RAB28: variants seen among roughly 807,000 people sequenced by gnomAD.
RAB28 encodes the protein ras-related protein Rab-28.
Under a neutral mutation model 31.7 loss-of-function variants are expected in RAB28, and 24 were observed. The observed-to-expected ratio is 0.76, with a 90% CI of 0.55 to 1.06. The LOEUF is 1.06. RAB28 is among the 50% of genes least tolerant of loss of function. The pLI, the probability that RAB28 is intolerant of heterozygous loss-of-function variation, is 0.00. For missense variants in RAB28, 254 were observed against 258.5 expected, an observed-to-expected ratio of 0.98 and a Z score of 0.12; for synonymous variants, 100 against 90.4, an observed-to-expected ratio of 1.11 and a Z score of -0.60.
In RAB28 at chr4:13,454,076, G is replaced by A. The variant is rs563099807; in HGVS notation, c.391+6623C>T. On this transcript the variant is annotated intron_variant, in intron 4 of 6. Transcript: ENST00000330852. ...TTGTCTGTGCTATTTCAAAAGGCTTGTCTTCAAGTTGCAGAATTCTTTTTT... is the reference window on the plus strand; with the variant it reads ...TTGTCTGTGCTATTTCAAAAGGCTTATCTTCAAGTTGCAGAATTCTTTTTT... Among the ~76,000 whole-genome samples the A allele has an allele frequency of 2.0e-5, 3 of 151,820 alleles. No individual in the cohort carries two copies. In the South Asian group the frequency reaches 6.2e-4, roughly 32 times the overall value.
At chr4:13,483,013 G>A (rs1484654035) in intron 1 of RAB28, among the ~76,000 whole-genome samples, 3 of 152,182 alleles carry the variant, frequency 2.0e-5, no homozygotes, top group Admixed American at 6.5e-5. Context: ...TTAGACTATG[G>A]TTGGGATAAG....
chr4:13,473,407 T>A (rs1716207161), intron 3 of RAB28, among the ~76,000 whole-genome samples: 2 of 151,976 alleles, frequency 1.3e-5, no homozygotes, highest in East Asian at 1.9e-4. Flanking sequence ...AAATAGCACA[T>A]CAAGTATTAC....
chr4:13,368,707 C>T, intron 6 of RAB28, 57 bp from the exon 7 acceptor site: 1 of 1,436,494 alleles, frequency 7.0e-7, no homozygotes, highest in Non-Finnish European at 9.6e-7. Context: ...AGAAAGAGCT[C>T]CTTAAAGTAT....
At chr4:13,471,971 AC>A (rs1716142360) in intron 3 of RAB28, among the ~76,000 whole-genome samples, 1 of 152,066 alleles carries the variant, frequency 6.6e-6, no homozygotes, top group Non-Finnish European at 1.5e-5. Flanking sequence ...TACTAAACTT[AC>A]GGACTTTCAA....
chr4:13,464,853 G>A (rs1344113786), intron 3 of RAB28, among the ~76,000 whole-genome samples: 1 of 152,056 alleles, frequency 6.6e-6, no homozygotes, highest in East Asian at 1.9e-4. Context: ...ATATGAAACA[G>A]ATTTTGTAAT....
At chr4:13,481,230 T>C (rs558335211) in intron 1 of RAB28, among the ~76,000 whole-genome samples, 2 of 152,094 alleles carry the variant, frequency 1.3e-5, no homozygotes, top group Non-Finnish European at 2.9e-5. Context: ...AACATAAAGC[T>C]AGGATTTTCA....
At chr4:13,454,981 G>A (rs1271362961) in intron 4 of RAB28, among the ~76,000 whole-genome samples, 1 of 152,160 alleles carries the variant, frequency 6.6e-6, no homozygotes, top group Non-Finnish European at 1.5e-5. Flanking sequence ...TGGCTTGCAG[G>A]GTTGTTTCTC....
intron 4 of RAB28, among the ~76,000 whole-genome samples, chr4:13,457,529 T>C (rs1190667128): frequency 2.6e-5 from 4 of 151,672 alleles, no homozygotes; most frequent in Admixed American, 6.6e-5. Context: ...CTGCATACAC[T>C]AATATATAAT....
At chr4:13,467,951 A>C (rs887454112) in intron 3 of RAB28, among the ~76,000 whole-genome samples, 1 of 152,008 alleles carries the variant, frequency 6.6e-6, no homozygotes, top group African/African-American at 2.4e-5. Flanking sequence ...TGAAAACATT[A>C]ATGAAAAGAA....
chr4:13,393,733 G>T (rs1056266714), intron 4 of RAB28, among the ~76,000 whole-genome samples: 2 of 150,900 alleles, frequency 1.3e-5, no homozygotes, highest in Admixed American at 1.3e-4. Context: ...ATAGAAGATG[G>T]CAAGTTTTAT....
rs1192452753 is a variant in RAB28 at position 13,456,827 on chromosome 4, A to T, written c.391+3872T>A. Among the ~76,000 whole-genome samples the T allele has an allele frequency of 3.3e-5, 5 of 152,316 alleles. No individual in the cohort carries two copies. In the South Asian group the frequency reaches 6.2e-4, roughly 19 times the overall value. On this transcript the variant is annotated intron_variant, in intron 4 of 6. Transcript: ENST00000330852. ...CTCTTCCTCTATTTGCCATTTCATTAACCTACTCTAGTTACTCTGGATAGT... is the reference window on the plus strand; with the variant it reads ...CTCTTCCTCTATTTGCCATTTCATTTACCTACTCTAGTTACTCTGGATAGT...
At chr4:13,376,082 T>A (rs1728911161) in intron 6 of RAB28, among the ~76,000 whole-genome samples, 1 of 152,148 alleles carries the variant, frequency 6.6e-6, no homozygotes, top group Admixed American at 6.6e-5. Flanking sequence ...CATGTTTTTT[T>A]CTTAGCCTAA....
chr4:13,389,300 T>C (rs970603528), intron 4 of RAB28, among the ~76,000 whole-genome samples: 3 of 152,110 alleles, frequency 2.0e-5, no homozygotes, highest in African/African-American at 4.8e-5. Flanking sequence ...CCAGGGGATG[T>C]AGGCAGAGGA....
At chr4:13,412,131 C>T (rs1350145272) in intron 4 of RAB28, among the ~76,000 whole-genome samples, 2 of 151,738 alleles carry the variant, frequency 1.3e-5, no homozygotes, top group East Asian at 3.9e-4. Flanking sequence ...TCAAGGTAAA[C>T]AAAAAGGGCT....
At chr4:13,381,851 T>TA (rs111438857) in intron 4 of RAB28, among the ~76,000 whole-genome samples, 3,205 of 148,930 alleles carry the variant, frequency 0.022, 97 homozygotes, top group African/African-American at 0.069. Flanking sequence ...ACAGAAGTGC[T>TA]AAAAAAAAAA....
At chr4:13,467,009 T>C (rs1715877767) in intron 3 of RAB28, among the ~76,000 whole-genome samples, 1 of 151,580 alleles carries the variant, frequency 6.6e-6, no homozygotes, top group Non-Finnish European at 1.5e-5. Flanking sequence ...AGACTGGTGG[T>C]TGCAGAGACT....
chr4:13,420,071 GGAT>G, intron 4 of RAB28, among the ~76,000 whole-genome samples: 1 of 152,074 alleles, frequency 6.6e-6, no homozygotes, highest in Non-Finnish European at 1.5e-5. Context: ...ATGATAAAGG[GGAT>G]ATCACCACAG....
Position 13,460,751 on chromosome 4 carries a change from T to A in RAB28, c.339A>T (p.Lys113Asn). The A allele has an allele frequency of 6.2e-7, 1 of 1,614,088 alleles. No homozygotes were observed. Among genetic ancestry groups the A allele is most frequent in the South Asian group, 1.1e-5 (1 of 91,086 alleles). The change falls in exon 4 of 7, where the codon AAA becomes AAT. Residue 113 changes from lysine (K) to asparagine (N), a missense_variant. Physicochemically the swap from Lys to Asn is moderately conservative, Grantham distance 94. Coordinates refer to ENST00000330852, the MANE Select transcript of RAB28 (RefSeq NM_001017979.3). ...NLEDWYTVVK[K>N]VSEESETQPL... ...GCTGAGTTTCTGACTCCTCGCTCAC[T>A]TTCTTCACCACAGTATACCAATCTT...
intron 4 of RAB28, among the ~76,000 whole-genome samples, chr4:13,406,065 A>C: frequency 6.6e-6 from 1 of 152,116 alleles, no homozygotes; most frequent in East Asian, 1.9e-4. Flanking sequence ...GGTTTGTTAC[A>C]CAGGTATACA....
Sources: gnomAD v4.1 joint callset for allele counts (sites outside exome capture counted in the v4.1 genomes callset) on GRCh38, gnomAD v4.1.1 for gene constraint, MANE v1.5 for transcripts, NCBI Gene and HGNC (gene_info 2026-07-23, HGNC 2026-07-21) for gene names.